Variants in NTF3 observed in about 807,000 individuals in gnomAD.
NTF3 encodes the protein neurotrophin-3.
A neutral mutation model predicts 26.3 loss-of-function variants in NTF3; 8 were observed. The observed-to-expected ratio is 0.30, with a 90% confidence interval of 0.18 to 0.55. NTF3 has a LOEUF of 0.55. NTF3 is among the 20% of genes least tolerant of loss of function. The probability of loss-of-function intolerance (pLI) is 0.93; values close to 1 mark genes in which losing one functional copy is unlikely to be tolerated. For synonymous variants in NTF3, 154 were observed against 145.5 expected (o/e 1.06, Z -0.42); for missense variants, 276 against 352.9 (o/e 0.78, Z 1.75).
intron 1 of NTF3, among the ~76,000 whole-genome samples, chr12:5,469,988 G>C (rs773115622): frequency 1.3e-5 from 2 of 152,146 alleles, no homozygotes; most frequent in Admixed American, 6.5e-5. Context: ...GCAATGGCGC[G>C]ATCTCAGCTC....
At chr12:5,460,982 G>C (rs1358672678) in intron 1 of NTF3, among the ~76,000 whole-genome samples, 1 of 152,178 alleles carries the variant, frequency 6.6e-6, no homozygotes, top group Non-Finnish European at 1.5e-5. Flanking sequence ...TACAGATCAG[G>C]GTTTTTCCAT....
At chr12:5,462,644 A>G (rs1940538745) in intron 1 of NTF3, among the ~76,000 whole-genome samples, 1 of 152,184 alleles carries the variant, frequency 6.6e-6, no homozygotes, top group South Asian at 2.1e-4. Flanking sequence ...TTCTTTTAAC[A>G]TCCTCAGTGA....
chr12:5,454,934 G>T (rs962498883), intron 1 of NTF3, among the ~76,000 whole-genome samples: 1 of 152,164 alleles, frequency 6.6e-6, no homozygotes, highest in Admixed American at 6.5e-5. Flanking sequence ...CTGCCATGAG[G>T]CTGCATGTCT....
intron 1 of NTF3, among the ~76,000 whole-genome samples, chr12:5,485,569 T>G (rs541487466): frequency 1.3e-5 from 2 of 152,296 alleles, no homozygotes; most frequent in Non-Finnish European, 2.9e-5. Flanking sequence ...CAGTCTAGCA[T>G]ATGGGGAGGC....
At chr12:5,451,956 G>T (rs1245607033) in intron 1 of NTF3, among the ~76,000 whole-genome samples, 1 of 152,152 alleles carries the variant, frequency 6.6e-6, no homozygotes, top group African/African-American at 2.4e-5. Flanking sequence ...GCCTCCCAAA[G>T]TGCTGGGATT....
intron 1 of NTF3, among the ~76,000 whole-genome samples, chr12:5,458,872 C>A (rs1454716859): frequency 6.6e-6 from 1 of 152,148 alleles, no homozygotes; most frequent in Non-Finnish European, 1.5e-5. Context: ...CATACACACA[C>A]ACACACACAC....
intron 1 of NTF3, among the ~76,000 whole-genome samples, chr12:5,483,870 G>A (rs973387869): frequency 1.3e-5 from 2 of 152,216 alleles, no homozygotes; most frequent in Non-Finnish European, 2.9e-5. Flanking sequence ...AAAGGAAAAT[G>A]CTCTGATTCC....
chr12:5,436,233 G>A (rs574727961), intron 1 of NTF3, among the ~76,000 whole-genome samples: 2 of 152,214 alleles, frequency 1.3e-5, no homozygotes, highest in South Asian at 2.1e-4. Flanking sequence ...TGTTTGGGAG[G>A]ACTTTATTTG....
chr12:5,482,163 C>T (rs1033096931), intron 1 of NTF3, among the ~76,000 whole-genome samples: 4 of 151,942 alleles, frequency 2.6e-5, no homozygotes, highest in African/African-American at 7.3e-5. Context: ...TGTGCTCATG[C>T]GTACACGAGC....
chr12:5,457,934 A>G (rs902141768), intron 1 of NTF3, among the ~76,000 whole-genome samples: 1 of 152,142 alleles, frequency 6.6e-6, no homozygotes, highest in Non-Finnish European at 1.5e-5. Context: ...GAGTTTGTCC[A>G]GATCTCCTCG....
intron 1 of NTF3, among the ~76,000 whole-genome samples, chr12:5,478,360 A>G (rs910038095): frequency 1.3e-5 from 2 of 152,258 alleles, no homozygotes; most frequent in African/African-American, 4.8e-5. Flanking sequence ...CATTATTAAC[A>G]TCACCAGGAG....
intron 1 of NTF3, among the ~76,000 whole-genome samples, chr12:5,442,148 A>G (rs1940245705): frequency 6.6e-6 from 1 of 152,214 alleles, no homozygotes; most frequent in Non-Finnish European, 1.5e-5. Context: ...GGTTACAATC[A>G]TAGTGCTCCA....
Position 5,494,913 on chromosome 12 carries a change from A to G in NTF3, c.738A>G (p.Lys246=). The change falls in exon 2 of 2, where the codon AAA becomes AAG. Residue 246 remains lysine (K), a synonymous_variant. Coordinates refer to ENST00000423158, the MANE Select transcript of NTF3 (RefSeq NM_001102654.2). The surrounding 1 kb of genome is among the most constrained non-coding windows in gnomAD (Gnocchi z 8.3). ...GAGCACTGACTTCAGAGAACAATAA[A>G]CTCGTGGGCTGGCGGTGGATACGGA... ...YVRALTSENN[K]LVGWRWIRID... is the part of the protein sequence containing the mutation. 1 of 1,613,646 alleles carries G rather than the reference A, an allele frequency of 6.2e-7. No homozygotes were observed. Among genetic ancestry groups the G allele is most frequent in the South Asian group, 1.1e-5 (1 of 91,022 alleles).
Position 5,432,294 on chromosome 12 carries a change from C to G in NTF3, c.-31C>G. ...CTCGCGTCCACCTTTCTCTTCATGTCGACGTCCCTGGAAACGGCCACACGG... is the reference window on the plus strand; with the variant it reads ...CTCGCGTCCACCTTTCTCTTCATGTGGACGTCCCTGGAAACGGCCACACGG... On this transcript the variant is annotated 5_prime_UTR_variant, in exon 1 of 2. Coordinates refer to ENST00000423158, the MANE Select transcript of NTF3 (RefSeq NM_001102654.2). 1 of 1,613,120 alleles carries G rather than the reference C, an allele frequency of 6.2e-7. No individual in the cohort carries two copies. The highest frequency in any genetic ancestry group is 8.5e-7 in the Non-Finnish European group (1 of 1,179,644).
At chr12:5,466,901 C>G (rs1484235283) in intron 1 of NTF3, among the ~76,000 whole-genome samples, 1 of 152,018 alleles carries the variant, frequency 6.6e-6, no homozygotes, top group Non-Finnish European at 1.5e-5. Context: ...GCAACAGGGA[C>G]CTGCTAACCC....
At chr12:5,473,855 C>T (rs61907702) in intron 1 of NTF3, among the ~76,000 whole-genome samples, 13,893 of 152,216 alleles carry the variant, frequency 0.091, 685 homozygotes, top group East Asian at 0.21. Context: ...CAGTTGCTGA[C>T]ATGCAGTTTT....
At chr12:5,475,392 A>C (rs1172141332) in intron 1 of NTF3, among the ~76,000 whole-genome samples, 1 of 152,184 alleles carries the variant, frequency 6.6e-6, no homozygotes, top group Non-Finnish European at 1.5e-5. Context: ...TGATGGACAT[A>C]GGGAATTCTA....
At chr12:5,453,573 C>G (rs766518436) in intron 1 of NTF3, among the ~76,000 whole-genome samples, 1 of 152,248 alleles carries the variant, frequency 6.6e-6, no homozygotes, top group African/African-American at 2.4e-5. Flanking sequence ...AAACTGTTCT[C>G]TCTTGCTTAG....
chr12:5,468,848 T>C (rs1940626584), intron 1 of NTF3, among the ~76,000 whole-genome samples: 1 of 152,090 alleles, frequency 6.6e-6, no homozygotes, highest in South Asian at 2.1e-4. Flanking sequence ...CGGCTGGGCA[T>C]GGTGGCTCAC....
Sources: allele counts gnomAD v4.1 joint callset (sites outside exome capture counted in the v4.1 genomes callset), GRCh38; gene constraint gnomAD v4.1.1; non-coding constraint Gnocchi (gnomAD v3.1); transcripts MANE v1.5; gene names NCBI Gene and HGNC (gene_info 2026-07-23, HGNC 2026-07-21).